Variants in RAF1 observed in about 807,000 individuals in gnomAD.
RAF1 encodes Raf-1 proto-oncogene, serine/threonine kinase, also known as RAF proto-oncogene serine/threonine-protein kinase.
RAF1 carries 27 observed loss-of-function variants against 81.1 expected under a neutral mutation model. The observed-to-expected ratio is 0.33, with a 90% CI of 0.25 to 0.46. The LOEUF is 0.46. RAF1 is among the 20% of genes least tolerant of loss of function. The probability of loss-of-function intolerance (pLI) is 1.00; values close to 1 mark genes in which losing one functional copy is unlikely to be tolerated. For missense variants in RAF1, 598 were observed against 826.0 expected (o/e 0.72, Z 3.38); for synonymous variants, 298 against 294.0 (o/e 1.01, Z -0.14).
intron 2 of RAF1, among the ~76,000 whole-genome samples, chr3:12,612,535 G>A (rs550054301): frequency 6.6e-6 from 1 of 151,914 alleles, no homozygotes; most frequent in South Asian, 2.1e-4. Flanking sequence ...TGTAATCTCA[G>A]CTACTTGGGA....
chr3:12,632,324 CAAA>C (rs34396520), intron 1 of RAF1, among the ~76,000 whole-genome samples: 5 of 123,426 alleles, frequency 4.1e-5, no homozygotes, highest in Admixed American at 8.6e-5. Flanking sequence ...AACTCCGTCT[CAAA>C]AAAAAAAAAA....
At chr3:12,595,026 CATT>C (rs2058642613) in intron 11 of RAF1, among the ~76,000 whole-genome samples, 1 of 152,196 alleles carries the variant, frequency 6.6e-6, no homozygotes, top group Non-Finnish European at 1.5e-5. Flanking sequence ...AATGAGCAAA[CATT>C]ATAGGAAAAC....
At chr3:12,587,496 C>T in intron 14 of RAF1, 95 bp downstream of exon 13, 1 of 1,164,804 alleles carries the variant, frequency 8.6e-7, no homozygotes, top group Non-Finnish European at 1.3e-6. Flanking sequence ...AAAGATATCC[C>T]CTGGCACCGA....
chr3:12,614,655 G>A (rs538568142), intron 2 of RAF1, among the ~76,000 whole-genome samples: 1 of 151,558 alleles, frequency 6.6e-6, no homozygotes, highest in Non-Finnish European at 1.5e-5. Context: ...CAAACTCCTG[G>A]GCTCAAGCAA....
At position 12,603,541 on chromosome 3, in the gene RAF1, G is replaced by A. The variant is rs1471742782; in HGVS notation, c.835-4C>T. 1.4e-6 allele frequency: 1 copy of A among 699,436 alleles called. No homozygotes were observed. The allele number at this position is 699,436 out of a possible 1,614,324, so 43.3% of individuals were successfully genotyped here. On this transcript the variant is annotated splice_region_variant and splice_polypyrimidine_tract_variant and intron_variant, in intron 7 of 17. Coordinates refer to ENST00000442415, the MANE Select transcript of RAF1 (RefSeq NM_001354689.3). ...GAGAAGCACTCAGGTTGTTATTCTA[G>A]TCCAAAGCAATGAGAAATAAAGAAG...
intron 1 of RAF1, among the ~76,000 whole-genome samples, chr3:12,620,389 C>T (rs893590022): frequency 1.3e-5 from 2 of 152,184 alleles, no homozygotes; most frequent in African/African-American, 2.4e-5. Context: ...GCCTCGGCCT[C>T]CCAAATCACG....
chr3:12,593,068 G>A (rs2058569734), intron 11 of RAF1, among the ~76,000 whole-genome samples: 1 of 149,022 alleles, frequency 6.7e-6, no homozygotes, highest in African/African-American at 2.5e-5. Context: ...TGTTTCTGGA[G>A]CCTCTCTGTT....
At chr3:12,630,651 A>G (rs1308469750) in intron 1 of RAF1, among the ~76,000 whole-genome samples, 1 of 152,198 alleles carries the variant, frequency 6.6e-6, no homozygotes, top group Non-Finnish European at 1.5e-5. Context: ...TGGTAAAAAG[A>G]TCATAGACTT....
At chr3:12,650,233 AG>A (rs1273887396) in intron 1 of RAF1, among the ~76,000 whole-genome samples, 2 of 151,776 alleles carry the variant, frequency 1.3e-5, no homozygotes, top group African/African-American at 4.8e-5. Context: ...CTAAGATAGA[AG>A]GATTGTCTGA....
intron 11 of RAF1, among the ~76,000 whole-genome samples, chr3:12,593,472 C>A (rs2058586090): frequency 6.7e-6 from 1 of 148,604 alleles, no homozygotes; most frequent in African/African-American, 2.5e-5. Flanking sequence ...GTTTTATCAT[C>A]TAAAGTTTCA....
At chr3:12,650,542 C>A (rs1400021673) in intron 1 of RAF1, among the ~76,000 whole-genome samples, 1 of 152,032 alleles carries the variant, frequency 6.6e-6, no homozygotes, top group African/African-American at 2.4e-5. Context: ...ATCTAAAGAA[C>A]CAGAATGCCT....
intron 1 of RAF1, among the ~76,000 whole-genome samples, chr3:12,624,891 A>C (rs748663289): frequency 0.04 from 2,317 of 57,926 alleles, 41 homozygotes; most frequent in East Asian, 0.28. Context: ...AACTCAAAAA[A>C]AAAAAAAAAA....
At chr3:12,603,950 A>G (rs1575572590) in intron 7 of RAF1, among the ~76,000 whole-genome samples, 186 bp downstream of exon 7, 2 of 152,260 alleles carry the variant, frequency 1.3e-5, no homozygotes. Flanking sequence ...CAGTTGAATG[A>G]TATACTAACC....
intron 8 of RAF1, among the ~76,000 whole-genome samples, chr3:12,602,592 AG>A (rs1170009637): frequency 6.6e-6 from 1 of 152,164 alleles, no homozygotes; most frequent in Non-Finnish European, 1.5e-5. Flanking sequence ...CCTGGTCGCA[AG>A]TGATCTTCCC....
chr3:12,607,457 G>A (rs2059069800), intron 5 of RAF1, among the ~76,000 whole-genome samples: 2 of 152,096 alleles, frequency 1.3e-5, no homozygotes. Flanking sequence ...AGACCAGCCT[G>A]GGCAACATGC....
chr3:12,593,517 T>G (rs2058588155), intron 11 of RAF1, among the ~76,000 whole-genome samples: 1 of 152,178 alleles, frequency 6.6e-6, no homozygotes, highest in Non-Finnish European at 1.5e-5. Context: ...GCCTCCAAAG[T>G]GGCTCTCATC....
chr3:12,644,679 G>A (rs1028973843), intron 1 of RAF1, among the ~76,000 whole-genome samples: 2 of 152,126 alleles, frequency 1.3e-5, no homozygotes, highest in Non-Finnish European at 2.9e-5. Context: ...AATAAACAAT[G>A]TAAATACTTC....
At chr3:12,606,983 G>C (rs920074722) in intron 5 of RAF1, among the ~76,000 whole-genome samples, 1 of 152,126 alleles carries the variant, frequency 6.6e-6, no homozygotes, top group South Asian at 2.1e-4. Context: ...GAGCCACCGC[G>C]CCCGGCCCAG....
At chr3:12,661,461 C>T (rs1269093804) in intron 1 of RAF1, among the ~76,000 whole-genome samples, 3 of 151,368 alleles carry the variant, frequency 2.0e-5, no homozygotes, top group Non-Finnish European at 4.4e-5. Flanking sequence ...CCCAGCGAGG[C>T]CGTGGGAGGC....
Sources: gnomAD v4.1 joint callset for allele counts (sites outside exome capture counted in the v4.1 genomes callset) on GRCh38, gnomAD v4.1.1 for gene constraint, MANE v1.5 for transcripts, NCBI Gene and HGNC (gene_info 2026-07-23, HGNC 2026-07-21) for gene names.